PAX5: variants seen among roughly 807,000 people sequenced by gnomAD.
The protein encoded by PAX5 is paired box 5, also known as paired box protein Pax-5.
PAX5 carries 9 observed loss-of-function variants against 43.7 expected under a neutral mutation model. The ratio of observed to expected loss-of-function variants is 0.21; its 90% confidence interval spans 0.12 to 0.36. The LOEUF (loss-of-function observed/expected upper bound fraction) is 0.36. Ranked by LOEUF, PAX5 falls within the 10% of genes least tolerant of loss-of-function variation. The probability of loss-of-function intolerance (pLI) is 1.00; values close to 1 mark genes in which losing one functional copy is unlikely to be tolerated. For synonymous variants in PAX5, 228 were observed against 214.3 expected (o/e 1.06, Z -0.56); for missense variants, 383 against 532.7 (o/e 0.72, Z 2.77).
intron 7 of PAX5, among the ~76,000 whole-genome samples, chr9:36,902,192 C>T (rs774707811): frequency 2.0e-4 from 31 of 152,212 alleles, no homozygotes; most frequent in Non-Finnish European, 2.9e-4. Flanking sequence ...AATTCTCCAG[C>T]TCCTGACCAC....
At chr9:36,985,809 T>C (rs1156832715) in intron 5 of PAX5, among the ~76,000 whole-genome samples, 1 of 152,138 alleles carries the variant, frequency 6.6e-6, no homozygotes. Flanking sequence ...GTGATGCCTT[T>C]GTGTTTGTGC....
chr9:36,898,817 G>A (rs1397292796), intron 7 of PAX5, among the ~76,000 whole-genome samples: 1 of 152,060 alleles, frequency 6.6e-6, no homozygotes, highest in Non-Finnish European at 1.5e-5. Context: ...GGCCTGGCCC[G>A]GACATCCTGG....
In PAX5 at chr9:36,838,445, C is replaced by T. The variant is rs1263588415; in HGVS notation, c.*2115G>A. The T allele has an allele frequency of 8.6e-6, 2 of 232,440 alleles. No individual in the cohort carries two copies. Among genetic ancestry groups the T allele is most frequent in the Admixed American group, 5.6e-5 (1 of 17,746 alleles). The allele number at this position is 232,440 out of a possible 1,614,324, so 14.4% of individuals were successfully genotyped here. A position where few individuals can be genotyped will look rare whatever the true frequency, so the allele number is the denominator to read the frequency against. On this transcript the variant is annotated 3_prime_UTR_variant, in exon 10 of 10. Transcript: ENST00000358127. ...CACCAGTCACTGCTTGAGGACTCCACCTTGCTGAGCCTTAGTTTTCTCTTC... is the reference window on the plus strand; with the variant it reads ...CACCAGTCACTGCTTGAGGACTCCATCTTGCTGAGCCTTAGTTTTCTCTTC...
chr9:37,016,275 C>T (rs980912595), intron 2 of PAX5, among the ~76,000 whole-genome samples: 5 of 152,174 alleles, frequency 3.3e-5, no homozygotes, highest in African/African-American at 1.2e-4. Flanking sequence ...CCCTGAAATG[C>T]AACTTATTTT....
At chr9:37,022,364 C>A (rs1839922122) in intron 1 of PAX5, among the ~76,000 whole-genome samples, 1 of 152,244 alleles carries the variant, frequency 6.6e-6, no homozygotes, top group African/African-American at 2.4e-5. Flanking sequence ...CTGCAGCCAC[C>A]CTGGCCAAGA....
chr9:36,843,480 C>T (rs1379344161), intron 9 of PAX5, among the ~76,000 whole-genome samples: 2 of 152,210 alleles, frequency 1.3e-5, no homozygotes. Context: ...AATGAGGCTG[C>T]AGGGATGACT....
chr9:36,930,774 C>A lies in PAX5; in HGVS notation c.781-7290G>T, dbSNP rs149332694. On this transcript the variant is annotated intron_variant, in intron 6 of 9. Coordinates refer to ENST00000358127, the MANE Select transcript of PAX5 (RefSeq NM_016734.3). The stretch of plus-strand genomic sequence containing the variant: ...AATCTGAGGGGTAAGGAGAGGGACA[C>A]CACTTTGGAAACTAAGCAATATGAG... 1.8e-5 allele frequency: 21 copies of A among 1,172,724 alleles called. 1 individual carries two copies. In the African/African-American group the frequency reaches 3.0e-4, roughly 17 times the overall value. The allele number at this position is 1,172,724 out of a possible 1,614,324, so 72.6% of individuals were successfully genotyped here. A position where few individuals can be genotyped will look rare whatever the true frequency, so the allele number is the denominator to read the frequency against.
At chr9:36,952,988 C>T (rs1409707355) in intron 6 of PAX5, among the ~76,000 whole-genome samples, 1 of 152,130 alleles carries the variant, frequency 6.6e-6, no homozygotes, top group Non-Finnish European at 1.5e-5. Context: ...ATTTTCCTTC[C>T]TCTGGAGAAC....
At chr9:36,977,190 T>C (rs1056665091) in intron 5 of PAX5, among the ~76,000 whole-genome samples, 17 of 151,910 alleles carry the variant, frequency 1.1e-4, no homozygotes, top group African/African-American at 4.1e-4. Flanking sequence ...ACCTTCCCTA[T>C]TGGATCCTCA....
At chr9:36,891,206 T>C (rs1029093376) in intron 7 of PAX5, among the ~76,000 whole-genome samples, 2 of 152,250 alleles carry the variant, frequency 1.3e-5, no homozygotes, top group South Asian at 2.1e-4. Context: ...GTTATGCTTT[T>C]AACTTTTTCT....
At chr9:36,909,335 T>C (rs1028025714) in intron 7 of PAX5, among the ~76,000 whole-genome samples, 2 of 152,228 alleles carry the variant, frequency 1.3e-5, no homozygotes, top group African/African-American at 4.8e-5. Flanking sequence ...GCGGATGTCA[T>C]TGCACTGGGA....
At chr9:36,943,537 C>T (rs1832239263) in intron 6 of PAX5, among the ~76,000 whole-genome samples, 1 of 151,460 alleles carries the variant, frequency 6.6e-6, no homozygotes, top group Non-Finnish European at 1.5e-5. Context: ...CATACACACA[C>T]ACACACACAC....
intron 1 of PAX5, among the ~76,000 whole-genome samples, chr9:37,032,427 C>A (rs998019716): frequency 2.0e-5 from 3 of 152,140 alleles, no homozygotes; most frequent in Non-Finnish European, 2.9e-5. Context: ...AAGCCCACTG[C>A]CAGGGAGAAG....
intron 6 of PAX5, 48 bp downstream of exon 6, chr9:36,966,501 G>C: frequency 6.3e-7 from 1 of 1,588,818 alleles, no homozygotes; most frequent in Non-Finnish European, 8.6e-7. Flanking sequence ...ACCTGGCTGG[G>C]CCGGTGTGGC....
At chr9:37,021,283 T>C (rs1041439177) in intron 1 of PAX5, among the ~76,000 whole-genome samples, 37 of 152,218 alleles carry the variant, frequency 2.4e-4, no homozygotes, top group African/African-American at 8.4e-4. Flanking sequence ...GGGAATTTTG[T>C]TTTTAATCAG....
rs1829395258 is a variant in PAX5, at chr9:36,912,653, C to A, written c.910+10702G>T. ...CACTTCCCTCTCTTGTCCTCAGCCT[C>A]CCCAGCTGTGAAGTGAGTAGTGGGA... On this transcript the variant is annotated intron_variant, in intron 7 of 9. Transcript: ENST00000358127. Among the ~76,000 whole-genome samples the A allele has an allele frequency of 2.0e-5, 3 of 152,162 alleles. No homozygotes were observed. In the South Asian group the frequency reaches 6.2e-4, roughly 31 times the overall value.
chr9:37,010,174 CT>C (rs1838803968), intron 3 of PAX5, among the ~76,000 whole-genome samples: 1 of 152,178 alleles, frequency 6.6e-6, no homozygotes, highest in Non-Finnish European at 1.5e-5. Context: ...CACTCAGGAC[CT>C]TTTCTAAGCC....
intron 6 of PAX5, among the ~76,000 whole-genome samples, chr9:36,947,538 T>C (rs1832636809): frequency 6.6e-6 from 1 of 152,080 alleles, no homozygotes; most frequent in African/African-American, 2.4e-5. Flanking sequence ...CTATCACGCT[T>C]GGCTAACTTT....
intron 1 of PAX5, among the ~76,000 whole-genome samples, chr9:37,026,957 G>C (rs1840450289): frequency 6.6e-6 from 1 of 152,240 alleles, no homozygotes; most frequent in Non-Finnish European, 1.5e-5. Flanking sequence ...GGAAGGAGCA[G>C]CTTTGAGGAG....
Sources: allele counts gnomAD v4.1 joint callset (sites outside exome capture counted in the v4.1 genomes callset), GRCh38; gene constraint gnomAD v4.1.1; transcripts MANE v1.5; gene names NCBI Gene and HGNC (gene_info 2026-07-23, HGNC 2026-07-21).